Variants in SLC22A15 observed in about 807,000 individuals in gnomAD.
The protein encoded by SLC22A15 is flipt 1.
Under a neutral mutation model 62.7 loss-of-function variants are expected in SLC22A15, and 45 were observed. That is an observed-to-expected ratio of 0.72 (90% CI 0.56 to 0.92). SLC22A15 has a LOEUF of 0.92. Among genes scored for constraint, SLC22A15 ranks in the 40% least tolerant of loss-of-function variants. The pLI is 0.00. For synonymous variants in SLC22A15, 264 were observed against 267.0 expected, an observed-to-expected ratio of 0.99 and a Z score of 0.11; for missense variants, 622 against 665.6, an observed-to-expected ratio of 0.93 and a Z score of 0.72.
At chr1:115,997,235 T>TTTGTTG (rs150354511) in intron 2 of SLC22A15, among the ~76,000 whole-genome samples, 5 of 151,772 alleles carry the variant, frequency 3.3e-5, no homozygotes, top group Admixed American at 1.3e-4. Flanking sequence ...TTGCTCCAGT[T>TTTGTTG]TTGTTGTTGT....
At position 116,031,251 on chromosome 1, in the gene SLC22A15, C is replaced by CT. The variant is rs1466680857; in HGVS notation, c.729-114dup. The CT allele has an allele frequency of 4.0e-6, 3 of 745,104 alleles. No individual in the cohort carries two copies. In the African/African-American group the frequency reaches 5.3e-5, roughly 13 times the overall value. 46.2% of individuals were successfully genotyped at this position (745,104 alleles called of 1,614,324 possible). ...TTATTGGGAGAGTCAAACTTTAAGT[C>CT]TAACATGGAATCCCATTTGTGGTGC... is the stretch of plus-strand genomic sequence containing the variant. On this transcript the variant is annotated intron_variant, in intron 5 of 11. Coordinates refer to ENST00000369503, the MANE Select transcript of SLC22A15 (RefSeq NM_018420.3).
At position 115,985,238 on chromosome 1, in the gene SLC22A15, C is replaced by T. The variant is rs1034938094; in HGVS notation, c.88-6793C>T. Among the ~76,000 whole-genome samples the T allele has an allele frequency of 2.0e-5, 3 of 152,296 alleles. No homozygotes were observed. In the East Asian group the frequency reaches 5.8e-4, roughly 29 times the overall value. On this transcript the variant is annotated intron_variant, in intron 1 of 11. Transcript: ENST00000369503. ...TCTATGTTAGGTATGTTTAGAAATA[C>T]AGATACTCACCATTGTGTTGTAGTT... is the stretch of plus-strand genomic sequence containing the variant.
At chr1:116,047,405 C>T (rs573716764) in intron 8 of SLC22A15, among the ~76,000 whole-genome samples, 3 of 152,220 alleles carry the variant, frequency 2.0e-5, no homozygotes, top group South Asian at 2.1e-4. Context: ...CCAGCCTGGG[C>T]GACAGAGCGA....
intron 1 of SLC22A15, among the ~76,000 whole-genome samples, chr1:115,989,736 G>T (rs1307916996): frequency 6.6e-6 from 1 of 150,640 alleles, no homozygotes; most frequent in South Asian, 2.1e-4. Context: ...AGCCAAGATC[G>T]CACCATTGTA....
At chr1:116,004,764 T>G (rs1009297602) in intron 2 of SLC22A15, among the ~76,000 whole-genome samples, 2 of 152,188 alleles carry the variant, frequency 1.3e-5, no homozygotes, top group Non-Finnish European at 2.9e-5. Flanking sequence ...ATTAATTCCT[T>G]AAGCCTTTGA....
chr1:116,025,117 G>A (rs1444895767), intron 4 of SLC22A15, among the ~76,000 whole-genome samples: 5 of 152,116 alleles, frequency 3.3e-5, no homozygotes, highest in Non-Finnish European at 7.4e-5. Flanking sequence ...TAAGAAAACT[G>A]AGGCTCGGGG....
chr1:116,032,342 A>G (rs1657444630), intron 6 of SLC22A15: 2 of 985,292 alleles, frequency 2.0e-6, no homozygotes, highest in Admixed American at 6.2e-5. Flanking sequence ...GATATTGTAC[A>G]TACTGCTAAT....
chr1:116,049,459 C>T (rs889597227), intron 8 of SLC22A15, among the ~76,000 whole-genome samples: 19 of 151,834 alleles, frequency 1.3e-4, no homozygotes, highest in South Asian at 2.1e-4. Flanking sequence ...TTCAAACCCA[C>T]GCAAATACAT....
chr1:116,054,141 T>A (rs1658134624), intron 8 of SLC22A15, among the ~76,000 whole-genome samples: 1 of 152,164 alleles, frequency 6.6e-6, no homozygotes, highest in Non-Finnish European at 1.5e-5. Flanking sequence ...CCCATCAGTG[T>A]GCTATATTCA....
chr1:116,029,847 T>A (rs1657307222), intron 5 of SLC22A15, among the ~76,000 whole-genome samples: 1 of 152,226 alleles, frequency 6.6e-6, no homozygotes, highest in South Asian at 2.1e-4. Flanking sequence ...TTCTGTTGTT[T>A]CTTTTTTATT....
intron 2 of SLC22A15, among the ~76,000 whole-genome samples, chr1:116,009,536 A>G (rs1054622421): frequency 1.1e-4 from 16 of 152,212 alleles, no homozygotes; most frequent in African/African-American, 3.4e-4. Context: ...GCATGTTGGC[A>G]TCAGTTACAC....
At chr1:116,051,762 C>T (rs1188039559) in intron 8 of SLC22A15, among the ~76,000 whole-genome samples, 2 of 152,188 alleles carry the variant, frequency 1.3e-5, no homozygotes, top group East Asian at 3.9e-4. Context: ...TGTCCAGCAG[C>T]TGCTCGAGGT....
chr1:116,038,123 A>G (rs968148282), intron 8 of SLC22A15, among the ~76,000 whole-genome samples: 2 of 152,100 alleles, frequency 1.3e-5, no homozygotes, highest in Non-Finnish European at 2.9e-5. Flanking sequence ...GATTTTCTAG[A>G]AGGAGGAGTG....
intron 2 of SLC22A15, among the ~76,000 whole-genome samples, chr1:116,012,889 A>T (rs1316967479): frequency 6.6e-6 from 1 of 152,208 alleles, no homozygotes; most frequent in Non-Finnish European, 1.5e-5. Flanking sequence ...GATGCTGGGC[A>T]GCTCCCCATC....
In SLC22A15 at chr1:116,067,288, A is replaced by G. The variant is rs1475842723; in HGVS notation, c.*180A>G. Reference sequence around the variant, plus strand: ...GAAGTTGGAGAAGAGATTTCATGAAAGACAACATCACTGCATTGAGAGAAT... The same window carrying G: ...GAAGTTGGAGAAGAGATTTCATGAAGGACAACATCACTGCATTGAGAGAAT... On this transcript the variant is annotated 3_prime_UTR_variant, in exon 12 of 12. Transcript: ENST00000369503. The G allele has an allele frequency of 1.5e-5, 9 of 587,696 alleles. No homozygotes were observed. The highest frequency in any genetic ancestry group is 2.1e-5 in the Non-Finnish European group (7 of 331,288). The allele number at this position is 587,696 out of a possible 1,614,324, so 36.4% of individuals were successfully genotyped here. A position where few individuals can be genotyped will look rare whatever the true frequency, so the allele number is the denominator to read the frequency against.
chr1:116,044,101 G>C (rs1325433594), intron 8 of SLC22A15, among the ~76,000 whole-genome samples: 1 of 151,972 alleles, frequency 6.6e-6, no homozygotes, highest in Non-Finnish European at 1.5e-5. Flanking sequence ...AGCCTCTAAG[G>C]GCCTGCAATT....
At chr1:116,005,237 G>A (rs1655919031) in intron 2 of SLC22A15, among the ~76,000 whole-genome samples, 1 of 152,050 alleles carries the variant, frequency 6.6e-6, no homozygotes, top group Non-Finnish European at 1.5e-5. Flanking sequence ...TCTTGGAAGT[G>A]GGATCCCTCT....
At chr1:116,046,085 A>G (rs1226354132) in intron 8 of SLC22A15, among the ~76,000 whole-genome samples, 2 of 152,222 alleles carry the variant, frequency 1.3e-5, no homozygotes, top group East Asian at 1.9e-4. Context: ...ATCACATTAT[A>G]TGCAGTAATA....
At chr1:116,027,657 C>T (rs1165767121) in intron 5 of SLC22A15, among the ~76,000 whole-genome samples, 2 of 151,916 alleles carry the variant, frequency 1.3e-5, no homozygotes, top group East Asian at 1.9e-4. Context: ...CGGAGTTTCG[C>T]CCTTGTTGCC....
Sources: allele counts gnomAD v4.1 joint callset (sites outside exome capture counted in the v4.1 genomes callset), GRCh38; gene constraint gnomAD v4.1.1; transcripts MANE v1.5; gene names NCBI Gene and HGNC (gene_info 2026-07-23, HGNC 2026-07-21).